The following CNTNAP5 variants were observed in gnomAD, a reference collection of about 807,000 sequenced individuals.
The protein encoded by CNTNAP5 is contactin associated protein family member 5.
Under a neutral mutation model 150.2 loss-of-function variants are expected in CNTNAP5, and 72 were observed. The ratio of observed to expected loss-of-function variants is 0.48; its 90% CI spans 0.40 to 0.58. The LOEUF (loss-of-function observed/expected upper bound fraction) is 0.58, where lower values mean the gene tolerates loss of function less well. Among genes scored for constraint, CNTNAP5 ranks in the 20% least tolerant of loss-of-function variants. CNTNAP5 has a pLI of 0.00. For missense variants in CNTNAP5, 1,636 were observed against 1,626.2 expected (o/e 1.01, Z -0.10); for synonymous variants, 672 against 619.8 (o/e 1.08, Z -1.25).
chr2:124,237,078 G>A (rs1305840), intron 2 of CNTNAP5, among the ~76,000 whole-genome samples: 27,696 of 152,000 alleles, frequency 0.18, 2,839 homozygotes, highest in East Asian at 0.35. Flanking sequence ...GCAGTGAGCC[G>A]AAATCACGCC....
At chr2:124,813,369 G>C (rs976687964) in intron 19 of CNTNAP5, among the ~76,000 whole-genome samples, 4 of 148,034 alleles carry the variant, frequency 2.7e-5, no homozygotes, top group Non-Finnish European at 4.6e-5. Flanking sequence ...GAGCCACCGT[G>C]CCTGGCCTGT....
At chr2:124,340,887 C>CAT (rs1031824749) in intron 3 of CNTNAP5, among the ~76,000 whole-genome samples, 13 of 142,018 alleles carry the variant, frequency 9.2e-5, no homozygotes, top group South Asian at 2.2e-4. Context: ...TATATATATA[C>CAT]ATATATATAT....
chr2:124,162,051 A>G (rs1212294990), intron 1 of CNTNAP5, among the ~76,000 whole-genome samples: 1 of 152,196 alleles, frequency 6.6e-6, no homozygotes, highest in East Asian at 1.9e-4. Context: ...AGCTCATTCA[A>G]CTTGAATCCT....
rs1300179379 is a variant in CNTNAP5 at position 124,474,968 on chromosome 2, C to T, written c.1062+86C>T. On this transcript the variant is annotated intron_variant, in intron 7 of 23. Coordinates refer to ENST00000682447, the MANE Select transcript of CNTNAP5 (RefSeq NM_001367498.1). ...TCACCAGCCCATTCCTGAACCCATT[C>T]GTAATGTGTTTATCTTATGCTCTGA... 6.9e-5 allele frequency: 80 copies of T among 1,159,944 alleles called. 2 individuals are homozygous for T. The Middle Eastern group carries it at 1.2e-3, about 17-fold the overall frequency. The allele number at this position is 1,159,944 out of a possible 1,614,324, so 71.9% of individuals were successfully genotyped here. A position where few individuals can be genotyped will look rare whatever the true frequency, so the allele number is the denominator to read the frequency against.
At chr2:124,647,531 A>G (rs1460664515) in intron 12 of CNTNAP5, among the ~76,000 whole-genome samples, 1 of 152,210 alleles carries the variant, frequency 6.6e-6, no homozygotes, top group Non-Finnish European at 1.5e-5. Context: ...TGCTTACTGT[A>G]GAGCCTGTGG....
intron 11 of CNTNAP5, among the ~76,000 whole-genome samples, chr2:124,586,399 C>T (rs966838654): frequency 6.6e-6 from 1 of 152,172 alleles, no homozygotes; most frequent in African/African-American, 2.4e-5. Flanking sequence ...TAGCTACTAT[C>T]CAGCGGAGCC....
intron 14 of CNTNAP5, among the ~76,000 whole-genome samples, chr2:124,748,729 G>T (rs1264985288): frequency 6.6e-6 from 1 of 152,062 alleles, no homozygotes; most frequent in Non-Finnish European, 1.5e-5. Context: ...GTCTTCATTG[G>T]GTCCTAGGAG....
rs1695648113 is a variant in CNTNAP5 at position 124,552,425 on chromosome 2, G to T, written c.1650-10792G>T. Reference sequence around the variant, plus strand: ...ATATTGGCAATGATACATGTCCAGTGCCCACCTTTCCAGGTGGATTGCCCA... The same window carrying T: ...ATATTGGCAATGATACATGTCCAGTTCCCACCTTTCCAGGTGGATTGCCCA... On this transcript the variant is annotated intron_variant, in intron 10 of 23. Coordinates refer to ENST00000682447, the MANE Select transcript of CNTNAP5 (RefSeq NM_001367498.1). Among the ~76,000 whole-genome samples the T allele has an allele frequency of 6.6e-5, 10 of 152,288 alleles. No homozygotes were observed. The South Asian group carries it at 2.1e-3, about 32-fold the overall frequency.
intron 10 of CNTNAP5, among the ~76,000 whole-genome samples, chr2:124,556,594 G>C (rs1014584932): frequency 9.2e-5 from 14 of 152,272 alleles, no homozygotes; most frequent in African/African-American, 3.4e-4. Context: ...AGACCAGTTA[G>C]CTGAAAATTG....
At chr2:124,790,964 A>C (rs566244074) in intron 18 of CNTNAP5, among the ~76,000 whole-genome samples, 2 of 152,364 alleles carry the variant, frequency 1.3e-5, no homozygotes, top group East Asian at 3.9e-4. Flanking sequence ...TATTTTAAAG[A>C]CGGAAAAAGT....
chr2:124,803,276 G>C (rs1221920130), intron 19 of CNTNAP5, among the ~76,000 whole-genome samples: 1 of 152,130 alleles, frequency 6.6e-6, no homozygotes, highest in East Asian at 1.9e-4. Flanking sequence ...GGTGATGCTT[G>C]AGTTGGTCAT....
At chr2:124,369,448 G>C (rs546576958) in intron 3 of CNTNAP5, among the ~76,000 whole-genome samples, 2 of 151,994 alleles carry the variant, frequency 1.3e-5, no homozygotes, top group Non-Finnish European at 2.9e-5. Flanking sequence ...GGTTTTGATG[G>C]TGGGGGTGGG....
intron 3 of CNTNAP5, among the ~76,000 whole-genome samples, chr2:124,358,286 A>G (rs1690080768): frequency 6.6e-6 from 1 of 151,806 alleles, no homozygotes. Flanking sequence ...CTAATTGAAT[A>G]CCCTTTATTT....
chr2:124,087,497 G>A (rs1475531824), intron 1 of CNTNAP5, among the ~76,000 whole-genome samples: 10 of 151,812 alleles, frequency 6.6e-5, no homozygotes, highest in Non-Finnish European at 1.5e-4. Context: ...GCCAAGGGGG[G>A]CAGATCATGA....
chr2:124,256,339 A>T (rs1461825305), intron 3 of CNTNAP5, among the ~76,000 whole-genome samples: 2 of 152,178 alleles, frequency 1.3e-5, no homozygotes, highest in Non-Finnish European at 2.9e-5. Context: ...TGATAGTATT[A>T]GTTGCTATTA....
intron 19 of CNTNAP5, among the ~76,000 whole-genome samples, chr2:124,823,567 C>T (rs1443500522): frequency 6.6e-6 from 1 of 152,174 alleles, no homozygotes; most frequent in African/African-American, 2.4e-5. Flanking sequence ...CATCTACAAA[C>T]ATGAGAAGGA....
chr2:124,035,501 T>G (rs539115990), intron 1 of CNTNAP5, among the ~76,000 whole-genome samples: 4 of 152,204 alleles, frequency 2.6e-5, no homozygotes, highest in Non-Finnish European at 5.9e-5. Context: ...TTATGTTTTA[T>G]GGCATAAGTT....
intron 1 of CNTNAP5, among the ~76,000 whole-genome samples, chr2:124,174,549 A>G (rs1044014470): frequency 6.6e-6 from 1 of 152,232 alleles, no homozygotes; most frequent in African/African-American, 2.4e-5. Flanking sequence ...AAATAGAACT[A>G]AAAGTGGAAC....
intron 13 of CNTNAP5, among the ~76,000 whole-genome samples, chr2:124,697,119 A>G (rs959636731): frequency 2.0e-5 from 3 of 152,082 alleles, no homozygotes; most frequent in Non-Finnish European, 2.9e-5. Flanking sequence ...TTTGTTTTAG[A>G]ATTTTTTAAA....
Sources: allele counts gnomAD v4.1 joint callset (sites outside exome capture counted in the v4.1 genomes callset), GRCh38; gene constraint gnomAD v4.1.1; transcripts MANE v1.5; gene names NCBI Gene and HGNC (gene_info 2026-07-23, HGNC 2026-07-21).